SART3: variants seen among roughly 807,000 people sequenced by gnomAD.
SART3 encodes spliceosome associated factor 3, U4/U6 recycling protein.
SART3 carries 44 observed loss-of-function variants against 122.3 expected under a neutral mutation model. That is an observed-to-expected ratio of 0.36 (90% confidence interval 0.28 to 0.46). SART3 has a LOEUF of 0.46. Ranked by LOEUF, SART3 falls within the 20% of genes least tolerant of loss-of-function variation. The probability of loss-of-function intolerance (pLI) is 1.00; values close to 1 mark genes in which losing one functional copy is unlikely to be tolerated. For synonymous variants in SART3, 442 were observed against 454.0 expected, an observed-to-expected ratio of 0.97 and a Z score of 0.34; for missense variants, 1,101 against 1,229.0, an observed-to-expected ratio of 0.90 and a Z score of 1.56.
chr12:108,557,069 C>T (rs1188238396), intron 1 of SART3, among the ~76,000 whole-genome samples: 1 of 152,124 alleles, frequency 6.6e-6, no homozygotes, highest in Non-Finnish European at 1.5e-5. Context: ...TATATGTGGA[C>T]AAGTACTCTG....
At chr12:108,557,210 T>G (rs1025066290) in intron 1 of SART3, among the ~76,000 whole-genome samples, 22 of 128,882 alleles carry the variant, frequency 1.7e-4, no homozygotes, top group Middle Eastern at 3.9e-3. Context: ...GACATAGTTT[T>G]TTTTTTTTTT....
In SART3 at chr12:108,524,402, G is replaced by A; in HGVS notation, c.2628C>T (p.Ser876=). The change falls in exon 18 of 19, where the codon AGC becomes AGT. Residue 876 remains serine (S), a synonymous_variant. Transcript: ENST00000546815. The part of the protein sequence containing the change: ...IKENIIKVAI[S]NPPQRKVPEK... ...CTGGAACTTTCCTCTGAGGAGGGTT[G>A]CTGATTGCCACTTTGATGATGTTCT... The A allele has an allele frequency of 6.2e-7, 1 of 1,614,074 alleles. No homozygotes were observed. Among genetic ancestry groups the A allele is most frequent in the Non-Finnish European group, 8.5e-7 (1 of 1,179,902 alleles).
rs1004407652 is a variant in SART3 at position 108,547,743 on chromosome 12, G to C, written c.544+144C>G. ...TCCTCAATTAAAGACCAAAGACAAT[G>C]ATAAGACAACTCAACTTAAATCTTG... On this transcript the variant is annotated intron_variant, in intron 3 of 18. Coordinates refer to ENST00000546815, the MANE Select transcript of SART3 (RefSeq NM_014706.4). 3.6e-5 allele frequency: 24 copies of C among 670,222 alleles called. No homozygotes were observed. The African/African-American group carries it at 4.1e-4, about 11-fold the overall frequency. The allele number at this position is 670,222 out of a possible 1,614,324, so 41.5% of individuals were successfully genotyped here.
chr12:108,560,771 A>G (rs1434434675), intron 1 of SART3, 72 bp downstream of exon 1: 1 of 1,351,362 alleles, frequency 7.4e-7, no homozygotes, highest in East Asian at 2.4e-5. Flanking sequence ...AGGACTAGGG[A>G]GGCGGGCCAG....
At position 108,561,004 on chromosome 12, in the gene SART3, T is replaced by G. The variant is rs757399095; in HGVS notation, c.151A>C (p.Met51Leu). 1.2e-6 allele frequency: 2 copies of G among 1,614,210 alleles called. No individual in the cohort carries two copies. The highest frequency in any genetic ancestry group is 1.7e-6 in the Non-Finnish European group (2 of 1,180,032). Residue 51 changes from methionine to leucine, a missense_variant, in exon 1 of 19, where the codon ATG (methionine) becomes CTG (leucine). Met to Leu is a conservative substitution (Grantham distance 15). Around this residue, in one of 2 missense-constraint regions of SART3, gnomAD observed 216 missense variants for 148.9 expected, o/e 1.45. Transcript: ENST00000546815. ...TCCTGCTGATCCCACGCTGGCCCCA[T>G]GGTCTTGTATGTCGCAGCGGCCACA... ...RAVAAATYKT[M>L]GPAWDQQEEG... is the part of the protein sequence containing the mutation.
intron 6 of SART3, among the ~76,000 whole-genome samples, chr12:108,541,632 G>A (rs564224771): frequency 1.4e-4 from 21 of 151,860 alleles, no homozygotes; most frequent in Admixed American, 3.9e-4. Flanking sequence ...TCCACCTCCC[G>A]GCTTCAAGCG....
chr12:108,557,588 T>C (rs1592779268), intron 1 of SART3, among the ~76,000 whole-genome samples: 1 of 152,182 alleles, frequency 6.6e-6, no homozygotes, highest in East Asian at 1.9e-4. Flanking sequence ...CATTGTGCCA[T>C]GCCCCACAAC....
chr12:108,560,514 G>T, intron 1 of SART3: 1 of 403,020 alleles, frequency 2.5e-6, no homozygotes, highest in Non-Finnish European at 4.4e-6. Context: ...TGGGAGTTCT[G>T]GAATGGGATC....
chr12:108,525,722 G>A, intron 16 of SART3, 113 bp from the exon 17 acceptor site: 1 of 1,094,994 alleles, frequency 9.1e-7, no homozygotes, highest in Middle Eastern at 2.0e-4. Context: ...GCAGACTAGA[G>A]CCAAGCCATG....
chr12:108,529,506 C>T (rs1382754943), intron 15 of SART3, among the ~76,000 whole-genome samples: 1 of 152,178 alleles, frequency 6.6e-6, no homozygotes, highest in Non-Finnish European at 1.5e-5. Context: ...GATCAAAGAA[C>T]AAGGGGACAG....
At position 108,524,282 on chromosome 12, in the gene SART3, G is replaced by A. The variant is rs756751270; in HGVS notation, c.2714+34C>T. The A allele has an allele frequency of 2.1e-5, 33 of 1,583,978 alleles. No individual in the cohort carries two copies. In the Middle Eastern group the frequency reaches 6.0e-4, roughly 29 times the overall value. On this transcript the variant is annotated intron_variant, in intron 18 of 18. Transcript: ENST00000546815. ...TCCATGAACTGGTGCCAGCCAGGAC[G>A]AAGTTTGCACTAGTCTACCATGCAA...
chr12:108,554,792 T>G (rs1192230842), intron 1 of SART3, among the ~76,000 whole-genome samples: 1 of 151,598 alleles, frequency 6.6e-6, no homozygotes, highest in African/African-American at 2.4e-5. Context: ...GTTTTAACAA[T>G]GAGACAAGGA....
intron 3 of SART3, among the ~76,000 whole-genome samples, chr12:108,546,004 TATATTCATAAAACACCGC>T (rs1327999141): frequency 6.6e-6 from 1 of 151,690 alleles, no homozygotes; most frequent in African/African-American, 2.4e-5. Context: ...AATATAGTTT[TATATTCATAAAACACCGC>T]TTATTTTCAT....
At chr12:108,539,529 C>G (rs570934106) in intron 6 of SART3, among the ~76,000 whole-genome samples, 1 of 152,306 alleles carries the variant, frequency 6.6e-6, no homozygotes, top group African/African-American at 2.4e-5. Context: ...ATATCAGTTC[C>G]TGGAAGAATG....
chr12:108,550,035 A>G (rs1031241748), intron 1 of SART3, among the ~76,000 whole-genome samples: 1 of 139,198 alleles, frequency 7.2e-6, no homozygotes, highest in African/African-American at 2.6e-5. Context: ...AAAAAAAAAA[A>G]AGATAGAAAT....
chr12:108,534,306 G>C (rs1475946706), intron 12 of SART3, among the ~76,000 whole-genome samples: 1 of 151,936 alleles, frequency 6.6e-6, no homozygotes, highest in African/African-American at 2.4e-5. Flanking sequence ...TGGATCCTGA[G>C]ACCAAAAAAA....
intron 1 of SART3, among the ~76,000 whole-genome samples, chr12:108,558,958 G>A (rs1009391649): frequency 2.7e-5 from 4 of 150,722 alleles, no homozygotes; most frequent in African/African-American, 4.9e-5. Context: ...GCATGAACCC[G>A]GGAGGCGGAG....
At chr12:108,524,045 G>C (rs1263507966) in intron 18 of SART3, 4 of 569,742 alleles carry the variant, frequency 7.0e-6, no homozygotes, top group Non-Finnish European at 1.3e-5. Context: ...AACTGGCAAA[G>C]GGGACTTTAA....
chr12:108,545,983 A>C (rs1044444103), intron 3 of SART3, among the ~76,000 whole-genome samples: 1 of 151,470 alleles, frequency 6.6e-6, no homozygotes, highest in African/African-American at 2.4e-5. Flanking sequence ...AAAAAAAAAA[A>C]ACACACATAT....
Sources: gnomAD v4.1 joint callset for allele counts (sites outside exome capture counted in the v4.1 genomes callset) on GRCh38, gnomAD v4.1.1 for gene constraint, gnomAD v4.1.1 regional missense constraint, MANE v1.5 for transcripts, NCBI Gene and HGNC (gene_info 2026-07-23, HGNC 2026-07-21) for gene names.